Variants in ASB14 observed in about 807,000 individuals in gnomAD.
The protein encoded by ASB14 is ankyrin repeat and SOCS box protein 14.
Under a neutral mutation model 55.6 loss-of-function variants are expected in ASB14, and 63 were observed. That is an observed-to-expected ratio of 1.13 (90% CI 0.92 to 1.40). The LOEUF (loss-of-function observed/expected upper bound fraction) is 1.40, where lower values mean the gene tolerates loss of function less well. ASB14 is among the 40% of genes most tolerant of loss of function. ASB14 has a pLI of 0.00. For synonymous variants in ASB14, 256 were observed against 259.9 expected (o/e 0.98, Z 0.15); for missense variants, 724 against 710.4 (o/e 1.02, Z -0.22).
chr3:57,291,282 C>G (rs1171806816), intron 2 of ASB14, among the ~76,000 whole-genome samples: 1 of 152,194 alleles, frequency 6.6e-6, no homozygotes, highest in South Asian at 2.1e-4. Context: ...CCCAAGTAAA[C>G]TGGGTTATCA....
chr3:57,280,184 A>AAT (rs2061028483), intron 7 of ASB14, 118 bp downstream of exon 7: 1 of 684,978 alleles, frequency 1.5e-6, no homozygotes, highest in Non-Finnish European at 2.1e-6. Context: ...AAAAAAAAAA[A>AAT]AAGTATGTTT....
At chr3:57,273,651 C>T (rs1238883630) in intron 10 of ASB14, among the ~76,000 whole-genome samples, 1 of 151,804 alleles carries the variant, frequency 6.6e-6, no homozygotes, top group Non-Finnish European at 1.5e-5. Flanking sequence ...GCAAACTAAT[C>T]GATCACTGGT....
chr3:57,276,462 G>C, intron 10 of ASB14, 66 bp downstream of exon 10: 1 of 1,226,386 alleles, frequency 8.2e-7, no homozygotes. Context: ...TTTAGTTGGT[G>C]GGTAAAGCAA....
rs553254874 is a variant in ASB14, at chr3:57,277,931, C to A, written c.1432-11G>T. Reference sequence around the variant, plus strand: ...TATTACTTCACAGAACTGAGGGAAACAAAATCAGAATTAGGAAAGTAAATG... The same window carrying A: ...TATTACTTCACAGAACTGAGGGAAAAAAAATCAGAATTAGGAAAGTAAATG... On this transcript the variant is annotated splice_polypyrimidine_tract_variant and intron_variant, in intron 8 of 10. Coordinates refer to ENST00000487349, the MANE Select transcript of ASB14 (RefSeq NM_001142733.3). 2 of 1,604,920 alleles carry A rather than the reference C, an allele frequency of 1.2e-6. No individual in the cohort carries two copies. The highest frequency in any genetic ancestry group is 1.7e-5 in the Admixed American group (1 of 58,156).
intron 5 of ASB14, among the ~76,000 whole-genome samples, chr3:57,286,075 T>C (rs2061078861): frequency 6.6e-6 from 1 of 152,198 alleles, no homozygotes; most frequent in African/African-American, 2.4e-5. Context: ...TATAGAATTT[T>C]AAGTTGGAAG....
chr3:57,280,333 T>C lies in ASB14; in HGVS notation c.856A>G (p.Ile286Val), dbSNP rs1438121150. 4 of 1,550,542 alleles carry C rather than the reference T, an allele frequency of 2.6e-6. No individual in the cohort carries two copies. The highest frequency in any genetic ancestry group is 2.4e-5 in the East Asian group (1 of 40,902). The change falls in exon 7 of 11, where the codon ATC becomes GTC. Residue 286 changes from isoleucine (I) to valine (V), a missense_variant. By Grantham distance (29) the Ile-to-Val change is conservative. Transcript: ENST00000487349. ...TGGCCCCTGTCAGCTGCCACATGGA[T>C]GGGCAGGTGGCCTGAATTCTTAGGG... ...NIPKNSGHLP[I>V]HVAADRGHLL...
intron 5 of ASB14, among the ~76,000 whole-genome samples, chr3:57,285,356 T>G (rs1413056202): frequency 6.6e-6 from 1 of 152,158 alleles, no homozygotes; most frequent in Non-Finnish European, 1.5e-5. Flanking sequence ...GAGGGATCCT[T>G]TAGCTGATTC....
chr3:57,273,275 A>G (rs1001872068), intron 10 of ASB14: 11 of 152,624 alleles, frequency 7.2e-5, no homozygotes, highest in African/African-American at 1.2e-4. Flanking sequence ...AAATCATGCA[A>G]TGTTTCACTT....
chr3:57,288,784 G>T (rs1159321346), intron 3 of ASB14, among the ~76,000 whole-genome samples: 1 of 135,942 alleles, frequency 7.4e-6, no homozygotes, highest in African/African-American at 2.7e-5. Context: ...GCGCAATCTC[G>T]GTTTACTGCA....
chr3:57,280,301 C>T lies in ASB14; in HGVS notation c.887+1G>A, dbSNP rs2061029558. ...TTTATAATAATGTAATTGAACTTAA[C>T]AGTAAGTGGCCCCTGTCAGCTGCCA... On this transcript the variant is annotated splice_donor_variant, in intron 7 of 10. Coordinates refer to ENST00000487349, the MANE Select transcript of ASB14 (RefSeq NM_001142733.3). LOFTEE classifies it high-confidence loss of function. The T allele has an allele frequency of 7.8e-6, 12 of 1,534,466 alleles. No individual in the cohort carries two copies. Among genetic ancestry groups the T allele is most frequent in the African/African-American group, 1.4e-5 (1 of 71,970 alleles).
Position 57,280,331 on chromosome 3 carries a change from G to T in ASB14, c.858C>A (p.Ile286=). 1.3e-6 allele frequency: 2 copies of T among 1,550,324 alleles called. No individual in the cohort carries two copies. The highest frequency in any genetic ancestry group is 1.7e-6 in the Non-Finnish European group (2 of 1,146,076). ...AGTGGCCCCTGTCAGCTGCCACATG[G>T]ATGGGCAGGTGGCCTGAATTCTTAG... ...NIPKNSGHLP[I]HVAADRGHLL... Residue 286 remains isoleucine, a synonymous_variant, in exon 7 of 11, where the codon ATC becomes ATA. Coordinates refer to ENST00000487349, the MANE Select transcript of ASB14 (RefSeq NM_001142733.3).
Position 57,279,720 on chromosome 3 carries a change from A to G in ASB14, c.887+582T>C, listed in dbSNP as rs544591633. On this transcript the variant is annotated intron_variant, in intron 7 of 10. Transcript: ENST00000487349. ...TGGTGGGAAATATTATTAAAATTAT[A>G]GAAAGAAGCACACCTTCTTGGAAGG... Among the ~76,000 whole-genome samples the G allele has an allele frequency of 4.6e-5, 7 of 152,196 alleles. 1 individual carries two copies. In the South Asian group the frequency reaches 1.5e-3, roughly 32 times the overall value.
chr3:57,274,175 T>C (rs17735309), intron 10 of ASB14, among the ~76,000 whole-genome samples: 28,016 of 152,128 alleles, frequency 0.18, 2,896 homozygotes, highest in African/African-American at 0.25. Flanking sequence ...AAAAATCATA[T>C]AGCTTCAGTT....
intron 10 of ASB14, chr3:57,269,922 C>T (rs2060924371): frequency 3.0e-6 from 1 of 335,808 alleles, no homozygotes; most frequent in East Asian, 5.0e-5. Flanking sequence ...ACCTGCTCAT[C>T]TCCCTGAAGC....
chr3:57,288,383 G>A, intron 3 of ASB14, 97 bp from the exon 4 acceptor site: 2 of 1,292,972 alleles, frequency 1.5e-6, no homozygotes, highest in South Asian at 2.7e-5. Flanking sequence ...TAATGCATAA[G>A]ACAACAGAAT....
intron 2 of ASB14, among the ~76,000 whole-genome samples, chr3:57,291,528 C>T (rs1308565326): frequency 3.3e-5 from 5 of 152,204 alleles, no homozygotes; most frequent in Non-Finnish European, 5.9e-5. Context: ...ACCCCATCCC[C>T]ACCTACCCTA....
At position 57,269,668 on chromosome 3, in the gene ASB14, A is replaced by G. The variant is rs142166154; in HGVS notation, c.*23-50T>C. ...AGTGATTTGGGAGAAGGAGGAAAGAAGAGAGAATCAGAAGCATAAGCTTAT... is the reference window on the plus strand; with the variant it reads ...AGTGATTTGGGAGAAGGAGGAAAGAGGAGAGAATCAGAAGCATAAGCTTAT... On this transcript the variant is annotated intron_variant, in intron 10 of 10. Transcript: ENST00000487349. 32 of 1,613,984 alleles carry G rather than the reference A, an allele frequency of 2.0e-5. No individual in the cohort carries two copies. The highest frequency in any genetic ancestry group is 1.0e-4 in the Admixed American group (6 of 60,000).
In ASB14 at chr3:57,278,444, T is replaced by C; in HGVS notation, c.1364A>G (p.His455Arg). The change falls in exon 8 of 11, where the codon CAT becomes CGT. Residue 455 changes from histidine (H) to arginine (R), a missense_variant. Coordinates refer to ENST00000487349, the MANE Select transcript of ASB14 (RefSeq NM_001142733.3). ...ATAGGAAGGATGGACTTTGTCTCCA[T>C]GTGGGCAATCAAAACATCGCTCTGT... ...YDTERCFDCP[H>R]GDKVHPSYTV... 6.2e-7 allele frequency: 1 copy of C among 1,614,208 alleles called. No individual in the cohort carries two copies. The highest frequency in any genetic ancestry group is 8.5e-7 in the Non-Finnish European group (1 of 1,180,022).
At chr3:57,284,662 C>G (rs1462419764) in intron 5 of ASB14, among the ~76,000 whole-genome samples, 4 of 152,196 alleles carry the variant, frequency 2.6e-5, no homozygotes, top group Non-Finnish European at 5.9e-5. Flanking sequence ...GCTTCACAGC[C>G]TCACGGTTTT....
Sources: allele counts gnomAD v4.1 joint callset (sites outside exome capture counted in the v4.1 genomes callset), GRCh38; gene constraint gnomAD v4.1.1; transcripts MANE v1.5; gene names NCBI Gene and HGNC (gene_info 2026-07-23, HGNC 2026-07-21).